Variants in FAM110B observed in about 807,000 individuals in gnomAD.
FAM110B encodes protein FAM110B.
In FAM110B, 6 loss-of-function variants were observed where a neutral mutation model predicts 20.4. The ratio of observed to expected loss-of-function variants is 0.29; its 90% confidence interval spans 0.16 to 0.58. FAM110B has a LOEUF of 0.58. Ranked by LOEUF, FAM110B falls within the 20% of genes least tolerant of loss-of-function variation. The probability of loss-of-function intolerance (pLI) is 0.90; values close to 1 mark genes in which losing one functional copy is unlikely to be tolerated. For synonymous variants in FAM110B, 226 were observed against 214.1 expected, an observed-to-expected ratio of 1.06 and a Z score of -0.49; for missense variants, 434 against 498.2, an observed-to-expected ratio of 0.87 and a Z score of 1.23.
At chr8:58,008,385 G>C (rs144026699) in intron 1 of FAM110B, among the ~76,000 whole-genome samples, 1 of 152,022 alleles carries the variant, frequency 6.6e-6, no homozygotes, top group African/African-American at 2.4e-5. Context: ...CACCCTCCTC[G>C]GCCTCTCAAA....
rs563514108 is a variant in FAM110B, at chr8:58,137,746, C to T, written c.-324-8161C>T. 2.4e-4 allele frequency among the ~76,000 whole-genome samples: 36 copies of T among 152,286 alleles called. 2 individuals are homozygous for T. The South Asian group carries it at 7.2e-3, about 31-fold the overall frequency. ...AGAAACTTGCTCAGGGTCAAGTGTC[C>T]TGTGTTCTTTTTCCGTGCCCTAAGC... On this transcript the variant is annotated intron_variant, in intron 3 of 3. Coordinates refer to ENST00000519262, the MANE Select transcript of FAM110B (RefSeq NM_001377989.1).
chr8:58,057,870 G>A (rs35350559), intron 2 of FAM110B, among the ~76,000 whole-genome samples: 21,269 of 152,244 alleles, frequency 0.14, 1,583 homozygotes, highest in Non-Finnish European at 0.15. Context: ...GCTATTCCTC[G>A]GCTGTCGCTA....
chr8:58,043,513 T>C (rs1805260379), intron 2 of FAM110B, among the ~76,000 whole-genome samples: 1 of 152,034 alleles, frequency 6.6e-6, no homozygotes, highest in Non-Finnish European at 1.5e-5. Flanking sequence ...CTAGGGTACA[T>C]GTGCACAACG....
Position 57,997,577 on chromosome 8 carries a change from G to C in FAM110B, c.-512+2771G>C, listed in dbSNP as rs1466791367. ...CTACTTGCATCTTGAATTTATTTAA[G>C]AAAACAACTTCCTAGGGCCAATTCT... On this transcript the variant is annotated intron_variant, in intron 1 of 3. Coordinates refer to ENST00000519262, the MANE Select transcript of FAM110B (RefSeq NM_001377989.1). Among the ~76,000 whole-genome samples the C allele has an allele frequency of 7.9e-5, 12 of 152,098 alleles. 1 individual carries two copies. Among genetic ancestry groups the C allele is most frequent in the Admixed American group, 7.9e-4 (12 of 15,282 alleles).
At chr8:58,060,094 T>C (rs150886159) in intron 2 of FAM110B, among the ~76,000 whole-genome samples, 2 of 152,342 alleles carry the variant, frequency 1.3e-5, no homozygotes, top group East Asian at 3.9e-4. Context: ...ATTGATATGT[T>C]GGTTCTTATT....
At chr8:58,032,035 C>A (rs1007580794) in intron 2 of FAM110B, 1 of 152,242 alleles carries the variant, frequency 6.6e-6, no homozygotes, top group African/African-American at 2.4e-5. Flanking sequence ...GCCTCTGTGC[C>A]GGCTGCTGGG....
chr8:58,060,924 G>T (rs568375507), intron 2 of FAM110B, among the ~76,000 whole-genome samples: 1 of 152,162 alleles, frequency 6.6e-6, no homozygotes, highest in Admixed American at 6.5e-5. Flanking sequence ...AAGCCTGTAT[G>T]ATTTTCTGCT....
rs1803878780 is a variant in FAM110B at position 58,146,816 on chromosome 8, G to A, written c.586G>A (p.Val196Met). Residue 196 changes from valine to methionine, a missense_variant, in exon 4 of 4, where the codon GTG (valine) becomes ATG (methionine). Val to Met is a conservative substitution (Grantham distance 21). Around this residue, in one of 3 missense-constraint regions of FAM110B, gnomAD observed 284 missense variants for 278.3 expected, o/e 1.02. Coordinates refer to ENST00000519262, the MANE Select transcript of FAM110B (RefSeq NM_001377989.1). ...GCAGTCAGCCGAGTCCTTCCTCCAC[G>A]TGTCCCACAGCTCTTCGGACATCCG... ...LEQSAESFLH[V>M]SHSSSDIRKV... The A allele has an allele frequency of 6.2e-7, 1 of 1,610,394 alleles. No homozygotes were observed. The highest frequency in any genetic ancestry group is 2.2e-5 in the East Asian group (1 of 44,786).
At chr8:58,007,051 G>A (rs529123493) in intron 1 of FAM110B, among the ~76,000 whole-genome samples, 1 of 152,020 alleles carries the variant, frequency 6.6e-6, no homozygotes, top group South Asian at 2.1e-4. Flanking sequence ...CAGGCACCAT[G>A]CTGCTACCTA....
intron 1 of FAM110B, among the ~76,000 whole-genome samples, chr8:58,006,380 G>A (rs1300538168): frequency 1.3e-5 from 2 of 152,176 alleles, no homozygotes; most frequent in Non-Finnish European, 2.9e-5. Context: ...TACAGACACT[G>A]GCTTGGGATA....
At chr8:58,009,724 T>C (rs191001501) in intron 1 of FAM110B, among the ~76,000 whole-genome samples, 191 of 152,330 alleles carry the variant, frequency 1.3e-3, no homozygotes, top group African/African-American at 4.3e-3. Flanking sequence ...AATTCATTGA[T>C]TTTGCTCCAT....
chr8:58,137,459 GC>G (rs1217231151), intron 3 of FAM110B, among the ~76,000 whole-genome samples: 14 of 152,116 alleles, frequency 9.2e-5, no homozygotes, highest in Non-Finnish European at 1.8e-4. Flanking sequence ...TACTCAGAAG[GC>G]TGAGACAGGA....
At chr8:58,055,993 C>G (rs1359987466) in intron 2 of FAM110B, among the ~76,000 whole-genome samples, 1 of 152,180 alleles carries the variant, frequency 6.6e-6, no homozygotes. Flanking sequence ...ATGTTTTAGT[C>G]TAGCCTAGAT....
intron 2 of FAM110B, among the ~76,000 whole-genome samples, chr8:58,073,544 TA>T (rs1474823901): frequency 1.3e-5 from 2 of 152,206 alleles, no homozygotes; most frequent in Non-Finnish European, 2.9e-5. Flanking sequence ...GAATACACAT[TA>T]GGTTGTTGCA....
intron 3 of FAM110B, among the ~76,000 whole-genome samples, chr8:58,103,159 ATTTC>A (rs1012752943): frequency 4.7e-5 from 7 of 149,830 alleles, no homozygotes; most frequent in East Asian, 2.0e-4. Flanking sequence ...AAGGGCATGT[ATTTC>A]TTTCTTTCTT....
At chr8:58,045,030 T>C (rs1179623117) in intron 2 of FAM110B, among the ~76,000 whole-genome samples, 5 of 152,246 alleles carry the variant, frequency 3.3e-5, no homozygotes, top group Non-Finnish European at 7.3e-5. Context: ...CTTAATAGCC[T>C]GTTAAAGCAT....
chr8:58,135,740 A>T (rs1585916205), intron 3 of FAM110B, among the ~76,000 whole-genome samples: 1 of 151,870 alleles, frequency 6.6e-6, no homozygotes, highest in Non-Finnish European at 1.5e-5. Context: ...AATCCACACC[A>T]CCCTGGGTTC....
chr8:58,068,707 A>T (rs1805828222), intron 2 of FAM110B, among the ~76,000 whole-genome samples: 1 of 152,172 alleles, frequency 6.6e-6, no homozygotes, highest in African/African-American at 2.4e-5. Context: ...GAAAAAAACC[A>T]TTTAACATTT....
intron 2 of FAM110B, among the ~76,000 whole-genome samples, chr8:58,037,237 T>C (rs1372260253): frequency 6.6e-6 from 1 of 152,114 alleles, no homozygotes; most frequent in Non-Finnish European, 1.5e-5. Context: ...ACAGTACTTT[T>C]AGTGATTTGA....
Sources: allele counts gnomAD v4.1 joint callset (sites outside exome capture counted in the v4.1 genomes callset), GRCh38; gene constraint gnomAD v4.1.1; regional missense constraint gnomAD v4.1.1; transcripts MANE v1.5; gene names NCBI Gene and HGNC (gene_info 2026-07-23, HGNC 2026-07-21).